Variants in INTS15 observed in about 807,000 individuals in gnomAD.
The protein encoded by INTS15 is uncharacterized protein C7orf26.
the INTS15 span, among the ~76,000 whole-genome samples, chr7:6,603,954 G>A: frequency 7.2e-5 from 11 of 152,060 alleles, no homozygotes; most frequent in Admixed American, 6.6e-4. Context: ...CTGAGTTGTG[G>A]TCGCAACTGT....
chr7:6,590,335 A>C, the INTS15 span: 2 of 1,597,660 alleles, frequency 1.3e-6, no homozygotes, highest in Non-Finnish European at 1.7e-6. Context: ...GAGCGCCGCC[A>C]AGGAGGTGTT....
At chr7:6,603,688 AG>A in the INTS15 span, among the ~76,000 whole-genome samples, 1 of 151,462 alleles carries the variant, frequency 6.6e-6, no homozygotes, top group East Asian at 2.0e-4. Context: ...AAAATACAAA[AG>A]TTAGCCAGGC....
the INTS15 span, among the ~76,000 whole-genome samples, chr7:6,602,423 C>T: frequency 1.4e-4 from 21 of 152,278 alleles, no homozygotes; most frequent in African/African-American, 5.1e-4. Flanking sequence ...GCAGGGGGCC[C>T]TCTGTTGGTG....
the INTS15 span, chr7:6,591,846 G>A: frequency 6.2e-7 from 1 of 1,614,064 alleles, no homozygotes; most frequent in Non-Finnish European, 8.5e-7. Flanking sequence ...CGGTGTTGGA[G>A]TGTGCTGCCT....
chr7:6,599,596 C>T, the INTS15 span, among the ~76,000 whole-genome samples: 2 of 152,202 alleles, frequency 1.3e-5, no homozygotes, highest in African/African-American at 4.8e-5. Context: ...GCAGCCTCTC[C>T]CTTGCTCCAG....
At chr7:6,607,973 G>C in the INTS15 span, 1 of 1,599,948 alleles carries the variant, frequency 6.3e-7, no homozygotes. This position sits in a 1 kb window ranked among gnomAD's most constrained non-coding sequence, Gnocchi z 6.0. Context: ...CCTCCAGCTG[G>C]TGATCTCGGG....
chr7:6,607,630 CTG>C, the INTS15 span: 29 of 1,458,032 alleles, frequency 2.0e-5, no homozygotes, highest in African/African-American at 2.1e-4. This position sits in a 1 kb window ranked among gnomAD's most constrained non-coding sequence, Gnocchi z 6.0. Context: ...TCTGAGGAGA[CTG>C]TGGCCAGCTG....
At chr7:6,591,940 G>A in the INTS15 span, 150 of 1,411,368 alleles carry the variant, frequency 1.1e-4, no homozygotes, top group Non-Finnish European at 1.4e-4. Flanking sequence ...GGGAAGCTGA[G>A]GTGGGCGGAT....
the INTS15 span, chr7:6,607,825 C>A: frequency 6.6e-7 from 1 of 1,504,456 alleles, no homozygotes; most frequent in South Asian, 1.3e-5. This position sits in a 1 kb window ranked among gnomAD's most constrained non-coding sequence, Gnocchi z 6.0. Flanking sequence ...TGTCCACCGC[C>A]TGGACCCCCG....
the INTS15 span, chr7:6,608,247 G>A: frequency 1.1e-5 from 16 of 1,508,734 alleles, 1 homozygote; most frequent in South Asian, 2.0e-4. Flanking sequence ...AGAGAACCTC[G>A]GGGAAGGGGT....
At chr7:6,594,753 G>A in the INTS15 span, among the ~76,000 whole-genome samples, 1 of 151,932 alleles carries the variant, frequency 6.6e-6, no homozygotes, top group Non-Finnish European at 1.5e-5. Context: ...TTGAGATGGA[G>A]TCTGTTGCCC....
chr7:6,599,898 T>G, the INTS15 span: 3 of 1,614,232 alleles, frequency 1.9e-6, no homozygotes, highest in Non-Finnish European at 2.5e-6. Flanking sequence ...CCAAGGTTGA[T>G]TCTCATCACT....
the INTS15 span, chr7:6,607,434 C>T: frequency 1.4e-5 from 9 of 641,640 alleles, no homozygotes; most frequent in African/African-American, 6.7e-5. This position sits in a 1 kb window ranked among gnomAD's most constrained non-coding sequence, Gnocchi z 6.0. Flanking sequence ...TGAGGCTGCG[C>T]GGGGCGGGGT....
the INTS15 span, among the ~76,000 whole-genome samples, chr7:6,597,931 T>A: frequency 2.6e-5 from 4 of 152,154 alleles, no homozygotes; most frequent in African/African-American, 9.7e-5. Flanking sequence ...ATATCCCCCC[T>A]TTCCTGGATG....
chr7:6,597,240 C>T, the INTS15 span, among the ~76,000 whole-genome samples: 1 of 151,846 alleles, frequency 6.6e-6, no homozygotes, highest in African/African-American at 2.4e-5. Context: ...TCAGGTCTTT[C>T]ATCTTCCAAT....
At chr7:6,601,376 A>G in the INTS15 span, among the ~76,000 whole-genome samples, 1 of 151,166 alleles carries the variant, frequency 6.6e-6, no homozygotes, top group South Asian at 2.1e-4. Context: ...GCTCATTGCA[A>G]CCTCTGCCTC....
At chr7:6,607,720 G>A in the INTS15 span, 4 of 1,514,640 alleles carry the variant, frequency 2.6e-6, no homozygotes, top group Non-Finnish European at 3.5e-6. This position sits in a 1 kb window ranked among gnomAD's most constrained non-coding sequence, Gnocchi z 6.0. Flanking sequence ...GCCCGGGAGT[G>A]CTACGGCCGG....
the INTS15 span, among the ~76,000 whole-genome samples, chr7:6,595,650 G>A: frequency 8.5e-5 from 13 of 152,130 alleles, no homozygotes; most frequent in African/African-American, 3.1e-4. Context: ...CATATGACTT[G>A]ATTTCTTATC....
the INTS15 span, among the ~76,000 whole-genome samples, chr7:6,598,899 A>T: frequency 3.3e-5 from 5 of 150,946 alleles, no homozygotes; most frequent in Admixed American, 3.3e-4. Flanking sequence ...TGATCCTCCT[A>T]CCTCAGCCTC....
Sources: gnomAD v4.1 joint callset for allele counts (sites outside exome capture counted in the v4.1 genomes callset) on GRCh38, gnomAD v4.1.1 for gene constraint, Gnocchi (gnomAD v3.1) non-coding constraint, MANE v1.5 for transcripts, NCBI Gene and HGNC (gene_info 2026-07-23, HGNC 2026-07-21) for gene names.